Variants in LRRC3B observed in about 807,000 individuals in gnomAD.
LRRC3B encodes leucine-rich repeat-containing protein 3B.
LRRC3B carries 2 observed loss-of-function variants against 12.8 expected under a neutral mutation model. The observed-to-expected ratio is 0.16, with a 90% CI of 0.06 to 0.49. LRRC3B has a LOEUF of 0.49. LRRC3B is among the 20% of genes least tolerant of loss of function. The pLI is 0.96. For missense variants in LRRC3B, 189 were observed against 319.4 expected (o/e 0.59, Z 3.11); for synonymous variants, 132 against 122.0 (o/e 1.08, Z -0.54).
intron 1 of LRRC3B, among the ~76,000 whole-genome samples, chr3:26,651,589 T>A (rs2125415240): frequency 6.6e-6 from 1 of 151,900 alleles, no homozygotes; most frequent in East Asian, 2.0e-4. Flanking sequence ...ACTCAATAAA[T>A]ATCTGTTGAA....
At chr3:26,706,940 TATAAC>T (rs1276472344) in intron 1 of LRRC3B, among the ~76,000 whole-genome samples, 2 of 152,212 alleles carry the variant, frequency 1.3e-5, no homozygotes, top group African/African-American at 2.4e-5. Flanking sequence ...GCTTTATTCA[TATAAC>T]ATATTTATTT....
intron 1 of LRRC3B, among the ~76,000 whole-genome samples, chr3:26,652,357 G>A (rs1469363313): frequency 6.6e-6 from 1 of 152,178 alleles, no homozygotes; most frequent in Non-Finnish European, 1.5e-5. Flanking sequence ...TGCTGACTTG[G>A]CACCTGTTCC....
intron 1 of LRRC3B, among the ~76,000 whole-genome samples, chr3:26,636,634 A>G (rs1401544856): frequency 6.6e-6 from 1 of 152,146 alleles, no homozygotes; most frequent in Non-Finnish European, 1.5e-5. Flanking sequence ...ACAGGACACA[A>G]TTTCTAAAAG....
chr3:26,651,448 G>A (rs1437279718), intron 1 of LRRC3B, among the ~76,000 whole-genome samples: 4 of 152,140 alleles, frequency 2.6e-5, no homozygotes, highest in Non-Finnish European at 5.9e-5. Context: ...GTACCTGTGT[G>A]TATCTGTGTG....
At chr3:26,671,371 T>TACAGAGAGAGAGAGAGAG (rs1207421811) in intron 1 of LRRC3B, among the ~76,000 whole-genome samples, 1 of 35,958 alleles carries the variant, frequency 2.8e-5, no homozygotes, top group South Asian at 1.3e-3. Flanking sequence ...TATATATATA[T>TACAGAGAGAGAGAGAGAG]ATAGAGAGAG....
intron 1 of LRRC3B, among the ~76,000 whole-genome samples, chr3:26,658,291 C>T (rs1699418663): frequency 6.6e-6 from 1 of 152,116 alleles, no homozygotes; most frequent in Non-Finnish European, 1.5e-5. Context: ...ATCTCCTGAC[C>T]TTGTGATCTG....
intron 1 of LRRC3B, among the ~76,000 whole-genome samples, chr3:26,655,508 A>G (rs906614417): frequency 6.6e-6 from 1 of 152,224 alleles, no homozygotes; most frequent in South Asian, 2.1e-4. Flanking sequence ...ATCTTACTTG[A>G]TAGGTTGGCC....
chr3:26,641,746 AG>A (rs1182491181), intron 1 of LRRC3B, among the ~76,000 whole-genome samples: 4 of 152,248 alleles, frequency 2.6e-5, no homozygotes, highest in Middle Eastern at 3.4e-3. Flanking sequence ...TTGATAAAAT[AG>A]ATTTTCTTTA....
At chr3:26,693,507 T>G (rs1281023490) in intron 1 of LRRC3B, among the ~76,000 whole-genome samples, 1 of 152,084 alleles carries the variant, frequency 6.6e-6, no homozygotes, top group African/African-American at 2.4e-5. Context: ...TTTAAGGAGC[T>G]TTAAAGTTGC....
At chr3:26,636,895 T>TTCCTTC (rs1309619894) in intron 1 of LRRC3B, among the ~76,000 whole-genome samples, 1 of 101,838 alleles carries the variant, frequency 9.8e-6, no homozygotes, top group African/African-American at 4.3e-5. Flanking sequence ...CCTTTCTCTC[T>TTCCTTC]CTCTCTCTTT....
intron 1 of LRRC3B, among the ~76,000 whole-genome samples, chr3:26,670,109 C>T (rs1034204533): frequency 2.0e-5 from 3 of 152,274 alleles, no homozygotes; most frequent in African/African-American, 4.8e-5. Context: ...TTTTGTCTCA[C>T]TCATTTTTAT....
chr3:26,652,612 C>T (rs574999935), intron 1 of LRRC3B, among the ~76,000 whole-genome samples: 5 of 152,234 alleles, frequency 3.3e-5, no homozygotes, highest in South Asian at 4.1e-4. Context: ...CAGTTTCCTA[C>T]GTCCATGTAC....
chr3:26,629,875 G>T (rs896106298), intron 1 of LRRC3B, among the ~76,000 whole-genome samples: 1 of 150,944 alleles, frequency 6.6e-6, no homozygotes, highest in Non-Finnish European at 1.5e-5. Context: ...TGTGTGGCCA[G>T]CCAAGTCAGG....
intron 1 of LRRC3B, among the ~76,000 whole-genome samples, chr3:26,646,148 A>G (rs910034832): frequency 3.9e-5 from 6 of 152,186 alleles, no homozygotes; most frequent in African/African-American, 1.4e-4. Context: ...TAATCCAAAA[A>G]CCATAGAAAT....
chr3:26,634,560 AG>A (rs1698825390), intron 1 of LRRC3B, among the ~76,000 whole-genome samples: 1 of 152,170 alleles, frequency 6.6e-6, no homozygotes, highest in Admixed American at 6.5e-5. Context: ...GACAGGGAAA[AG>A]GTTCAATTCA....
intron 1 of LRRC3B, among the ~76,000 whole-genome samples, chr3:26,691,161 A>T (rs1354983295): frequency 2.1e-5 from 3 of 144,338 alleles, no homozygotes; most frequent in African/African-American, 7.6e-5. Flanking sequence ...AATGAGGAAA[A>T]CTTTGACCTT....
rs566876080 is a variant in LRRC3B, at chr3:26,702,376, CTGT to C, written c.-160-7132_-160-7130del. ...CATATCCTTGACTAAAGGATCACAGCTGTTGTTATTAATGAGCCACCTAAATGG... is the reference window on the plus strand; with the variant it reads ...CATATCCTTGACTAAAGGATCACAGCTGTTATTAATGAGCCACCTAAATGG... On this transcript the variant is annotated intron_variant, in intron 1 of 1. Coordinates refer to ENST00000396641, the Ensembl canonical transcript of LRRC3B. Among the ~76,000 whole-genome samples, 5 of 152,258 alleles carry C rather than the reference CTGT, an allele frequency of 3.3e-5. 1 individual carries two copies. Among genetic ancestry groups the C allele is most frequent in the South Asian group, 2.1e-4 (1 of 4,826 alleles).
intron 1 of LRRC3B, among the ~76,000 whole-genome samples, chr3:26,662,063 C>T (rs1162462173): frequency 6.6e-6 from 1 of 152,180 alleles, no homozygotes; most frequent in Non-Finnish European, 1.5e-5. Context: ...ATTTACTTCT[C>T]TGTTCCAAAA....
At chr3:26,702,500 A>T (rs1015605144) in intron 1 of LRRC3B, among the ~76,000 whole-genome samples, 1 of 152,118 alleles carries the variant, frequency 6.6e-6, no homozygotes, top group Non-Finnish European at 1.5e-5. Context: ...TAAATCTCAT[A>T]TTTGTGGAAC....
Sources: allele counts gnomAD v4.1 joint callset (sites outside exome capture counted in the v4.1 genomes callset), GRCh38; gene constraint gnomAD v4.1.1; transcripts MANE v1.5; gene names NCBI Gene and HGNC (gene_info 2026-07-23, HGNC 2026-07-21).